Variants in SEPTIN14 observed in about 807,000 individuals in gnomAD.
SEPTIN14 encodes septin-14.
In SEPTIN14, 40 loss-of-function variants were observed where a neutral mutation model predicts 53.6. The ratio of observed to expected loss-of-function variants is 0.75; its 90% CI spans 0.58 to 0.97. The LOEUF is 0.97. Ranked by LOEUF, SEPTIN14 falls within the 50% of genes least tolerant of loss-of-function variation. The probability of loss-of-function intolerance (pLI) is 0.00; values close to 1 mark genes in which losing one functional copy is unlikely to be tolerated. For missense variants in SEPTIN14, 471 were observed against 508.2 expected (o/e 0.93, Z 0.70); for synonymous variants, 138 against 166.8 (o/e 0.83, Z 1.33).
chr7:55,799,383 T>A (rs893159803), intron 9 of SEPTIN14, among the ~76,000 whole-genome samples: 1 of 150,932 alleles, frequency 6.6e-6, no homozygotes, highest in African/African-American at 2.4e-5. Flanking sequence ...CCACGCCTTG[T>A]AGTGGGCACC....
chr7:55,805,441 G>C, intron 8 of SEPTIN14, 51 bp from the exon 9 acceptor site: 4 of 1,407,084 alleles, frequency 2.8e-6, no homozygotes, highest in Non-Finnish European at 3.8e-6. Flanking sequence ...TAGGAGGATC[G>C]CTTGAACCCA....
chr7:55,855,132 C>T lies in SEPTIN14; in HGVS notation c.54+6811G>A, dbSNP rs935181171. Among the ~76,000 whole-genome samples the T allele has an allele frequency of 1.6e-4, 25 of 152,126 alleles. No homozygotes were observed. The South Asian group carries it at 2.1e-3, about 13-fold the overall frequency. On this transcript the variant is annotated intron_variant, in intron 2 of 9. Coordinates refer to ENST00000388975, the MANE Select transcript of SEPTIN14 (RefSeq NM_207366.3). ...CACGCTATTCTCCTCTCTCAGCCTC[C>T]CAAGTAGCTGGGACTACAGGCGCCC...
intron 7 of SEPTIN14, among the ~76,000 whole-genome samples, chr7:55,814,513 T>G (rs1041376237): frequency 3.3e-5 from 5 of 152,020 alleles, no homozygotes; most frequent in Admixed American, 1.3e-4. Context: ...ATGCCAACAG[T>G]GAACAATCTG....
chr7:55,806,405 T>C (rs1420072300), intron 8 of SEPTIN14, among the ~76,000 whole-genome samples: 1 of 152,088 alleles, frequency 6.6e-6, no homozygotes, highest in Non-Finnish European at 1.5e-5. Flanking sequence ...AAACTCTTCT[T>C]AATGTCTTTT....
intron 2 of SEPTIN14, among the ~76,000 whole-genome samples, chr7:55,852,504 G>GA (rs1425602279): frequency 6.6e-6 from 1 of 151,998 alleles, no homozygotes; most frequent in Non-Finnish European, 1.5e-5. Flanking sequence ...AATGAAAACA[G>GA]ACTCCTATCT....
chr7:55,854,333 C>T (rs1225474902), intron 2 of SEPTIN14, among the ~76,000 whole-genome samples: 1 of 152,124 alleles, frequency 6.6e-6, no homozygotes, highest in African/African-American at 2.4e-5. Context: ...AAATTTAAAT[C>T]TAACATCATA....
At chr7:55,838,716 T>C (rs1339401752) in intron 5 of SEPTIN14, among the ~76,000 whole-genome samples, 1 of 151,866 alleles carries the variant, frequency 6.6e-6, no homozygotes, top group African/African-American at 2.4e-5. Context: ...CCTGGCTAAT[T>C]TTTCTATTTT....
intron 6 of SEPTIN14, among the ~76,000 whole-genome samples, chr7:55,821,180 G>A (rs1172111594): frequency 6.6e-6 from 1 of 152,102 alleles, no homozygotes; most frequent in Admixed American, 6.6e-5. Flanking sequence ...AGACCTACTT[G>A]TGAAATAGGG....
chr7:55,819,317 C>A, intron 6 of SEPTIN14, 94 bp from the exon 7 acceptor site: 1 of 941,954 alleles, frequency 1.1e-6, no homozygotes, highest in South Asian at 1.4e-5. Flanking sequence ...CAGGCCAGCG[C>A]GGTGGCTCAT....
chr7:55,828,198 GA>G (rs1789023618), intron 6 of SEPTIN14, among the ~76,000 whole-genome samples: 1 of 146,328 alleles, frequency 6.8e-6, no homozygotes, highest in South Asian at 2.2e-4. Context: ...AAAGATACCA[GA>G]ACAATGCAGA....
chr7:55,808,214 AAAC>A (rs1338121311), intron 7 of SEPTIN14, among the ~76,000 whole-genome samples: 1 of 152,186 alleles, frequency 6.6e-6, no homozygotes, highest in African/African-American at 2.4e-5. Flanking sequence ...CATTTTTCTC[AAAC>A]AAACACAAGA....
chr7:55,798,630 G>A, intron 9 of SEPTIN14: 1 of 352,714 alleles, frequency 2.8e-6, no homozygotes, highest in South Asian at 2.5e-5. Flanking sequence ...CCCGTGAGTG[G>A]CACTCATGAT....
chr7:55,819,101 C>A (rs73701152), intron 7 of SEPTIN14, 26 bp downstream of exon 7: 50,066 of 1,333,836 alleles, frequency 0.038, 1,909 homozygotes, highest in East Asian at 0.2. Context: ...TTAATCATTC[C>A]AAAGCCTGCC....
chr7:55,841,003 G>A (rs10271682), intron 5 of SEPTIN14, among the ~76,000 whole-genome samples: 4,241 of 152,202 alleles, frequency 0.028, 199 homozygotes, highest in African/African-American at 0.096. Context: ...TGGTTCAAGC[G>A]ATTCTCCTGC....
intron 7 of SEPTIN14, among the ~76,000 whole-genome samples, chr7:55,815,727 G>C (rs1453152876): frequency 2.6e-5 from 4 of 152,132 alleles, no homozygotes; most frequent in Non-Finnish European, 4.4e-5. Context: ...GGAGAAAAAG[G>C]AATCCTTGTA....
At chr7:55,861,109 CATG>C (rs1246195264) in intron 2 of SEPTIN14, among the ~76,000 whole-genome samples, 1 of 152,086 alleles carries the variant, frequency 6.6e-6, no homozygotes, top group Non-Finnish European at 1.5e-5. Flanking sequence ...GAGTATTAAC[CATG>C]ATTTGTTAAA....
intron 7 of SEPTIN14, among the ~76,000 whole-genome samples, chr7:55,809,833 CT>C (rs542777992): frequency 0.39 from 43,651 of 111,370 alleles, 5,789 homozygotes; most frequent in East Asian, 0.53. Flanking sequence ...AATGGCTTGT[CT>C]TTTTTTTTTT....
At chr7:55,811,371 T>C in intron 7 of SEPTIN14, 2 of 498,906 alleles carry the variant, frequency 4.0e-6, no homozygotes, top group South Asian at 3.1e-5. Context: ...CCCTAAGGAG[T>C]TGGTCTTGGC....
intron 7 of SEPTIN14, among the ~76,000 whole-genome samples, chr7:55,816,830 A>T (rs1373825103): frequency 6.6e-6 from 1 of 152,072 alleles, no homozygotes; most frequent in African/African-American, 2.4e-5. Context: ...ACAAGCTGTA[A>T]CTTCACCCAT....
Sources: allele counts gnomAD v4.1 joint callset (sites outside exome capture counted in the v4.1 genomes callset), GRCh38; gene constraint gnomAD v4.1.1; transcripts MANE v1.5; gene names NCBI Gene and HGNC (gene_info 2026-07-23, HGNC 2026-07-21).